Variants in PCDHA7 observed in about 807,000 individuals in gnomAD.
PCDHA7 encodes the protein protocadherin alpha 7.
A neutral mutation model predicts 57.2 loss-of-function variants in PCDHA7; 37 were observed. The ratio of observed to expected loss-of-function variants is 0.65; its 90% confidence interval spans 0.50 to 0.85. The LOEUF is 0.85. Among genes scored for constraint, PCDHA7 ranks in the 40% least tolerant of loss-of-function variants. The pLI is 0.00. For synonymous variants in PCDHA7, 553 were observed against 558.8 expected (o/e 0.99, Z 0.15); for missense variants, 1,188 against 1,241.8 (o/e 0.96, Z 0.65).
chr5:140,977,345 T>C lies in PCDHA7; in HGVS notation c.2356-1604T>C, dbSNP rs139865600. Among the ~76,000 whole-genome samples, 25 of 152,342 alleles carry C rather than the reference T, an allele frequency of 1.6e-4. No homozygotes were observed. In the East Asian group the frequency reaches 4.8e-3, roughly 29 times the overall value. ...ATGGCGAGGGGAGAGACGGTGATGATGACTGATTGATAAAAAGTATTTTAG... is the reference window on the plus strand; with the variant it reads ...ATGGCGAGGGGAGAGACGGTGATGACGACTGATTGATAAAAAGTATTTTAG... On this transcript the variant is annotated intron_variant, in intron 1 of 3. Transcript: ENST00000525929.
At chr5:140,968,165 C>T in intron 1 of PCDHA7, 6 of 1,614,120 alleles carry the variant, frequency 3.7e-6, no homozygotes, top group African/African-American at 1.3e-5. Flanking sequence ...TGACAATCCA[C>T]CAAGCTTCCT....
At chr5:140,978,726 T>C (rs1453953300) in intron 1 of PCDHA7, among the ~76,000 whole-genome samples, 2 of 152,250 alleles carry the variant, frequency 1.3e-5, no homozygotes, top group African/African-American at 4.8e-5. Flanking sequence ...TTATTAAATC[T>C]GGTCTTCCAG....
chr5:140,903,420 G>A (rs1562939328), intron 1 of PCDHA7, among the ~76,000 whole-genome samples: 1 of 152,150 alleles, frequency 6.6e-6, no homozygotes, highest in Non-Finnish European at 1.5e-5. Flanking sequence ...GAAAAATTCA[G>A]CACAATATGT....
At chr5:140,935,104 A>C (rs1233919640) in intron 1 of PCDHA7, among the ~76,000 whole-genome samples, 1 of 152,126 alleles carries the variant, frequency 6.6e-6, no homozygotes, top group South Asian at 2.1e-4. Flanking sequence ...GCCATTTTTC[A>C]AAGAGCTTTC....
chr5:140,870,084 C>T (rs782413178), intron 1 of PCDHA7: 1 of 1,613,864 alleles, frequency 6.2e-7, no homozygotes, highest in Non-Finnish European at 8.5e-7. Context: ...AGGGGACTCC[C>T]CCAATGGCAG....
chr5:140,836,887 T>C, intron 1 of PCDHA7, 149 bp downstream of exon 1: 1 of 643,788 alleles, frequency 1.6e-6, no homozygotes, highest in South Asian at 2.6e-5. Context: ...CACTAATTAT[T>C]TGGAAGTACG....
At chr5:140,855,743 G>A (rs2043601940) in intron 1 of PCDHA7, 1 of 316,702 alleles carries the variant, frequency 3.2e-6, no homozygotes, top group African/African-American at 2.1e-5. Flanking sequence ...GAGACGTAAT[G>A]TGAGGCTTTG....
chr5:141,004,897 G>T (rs1455115465), intron 3 of PCDHA7, among the ~76,000 whole-genome samples: 1 of 152,154 alleles, frequency 6.6e-6, no homozygotes, highest in Non-Finnish European at 1.5e-5. Context: ...TGTCAGCTCT[G>T]CCAGGGTGTA....
In PCDHA7 at chr5:140,858,604, A is replaced by T. The variant is rs547814145; in HGVS notation, c.2355+21866A>T. 1.3e-3 allele frequency: 1,648 copies of T among 1,276,538 alleles called. 106 individuals carry two copies. The South Asian group carries it at 0.023, about 18-fold the overall frequency. 79.1% of individuals were successfully genotyped at this position (1,276,538 alleles called of 1,614,324 possible). ...TATAATTTATTCCAGGAGTTTTAAA[A>T]TTTTTTTATCCTACCCAGTGTGTCA... On this transcript the variant is annotated intron_variant, in intron 1 of 3. Transcript: ENST00000525929.
At chr5:140,969,457 T>C (rs1554231852) in intron 1 of PCDHA7, 1 of 1,505,602 alleles carries the variant, frequency 6.6e-7, no homozygotes, top group Admixed American at 2.2e-5. Context: ...TGAGTATATA[T>C]AGTATCCACA....
At chr5:140,927,899 A>G (rs1554205221) in intron 1 of PCDHA7, 2 of 1,614,194 alleles carry the variant, frequency 1.2e-6, no homozygotes, top group Admixed American at 1.7e-5. Context: ...GTGAACGATC[A>G]TGCCCCCGAA....
chr5:140,880,743 T>C (rs976006299), intron 1 of PCDHA7, among the ~76,000 whole-genome samples: 7 of 152,212 alleles, frequency 4.6e-5, no homozygotes, highest in African/African-American at 1.7e-4. Flanking sequence ...AAATGGATTG[T>C]CAGTGTAACT....
At chr5:140,857,245 C>T (rs1411907706) in intron 1 of PCDHA7, 5 of 1,598,612 alleles carry the variant, frequency 3.1e-6, no homozygotes, top group Non-Finnish European at 4.3e-6. Context: ...TGGTGTCCAC[C>T]TACAAGAATT....
chr5:140,931,188 G>A (rs782167226), intron 1 of PCDHA7, among the ~76,000 whole-genome samples: 1 of 152,126 alleles, frequency 6.6e-6, no homozygotes, highest in South Asian at 2.1e-4. Flanking sequence ...GGAAATTGGT[G>A]CACTACAATG....
intron 1 of PCDHA7, among the ~76,000 whole-genome samples, chr5:140,888,210 T>C (rs1395913579): frequency 6.6e-6 from 1 of 152,082 alleles, no homozygotes; most frequent in East Asian, 1.9e-4. Flanking sequence ...ATGCTGGATT[T>C]TGTGTGTGTG....
At chr5:140,870,789 G>A in intron 1 of PCDHA7, 3 of 1,613,630 alleles carry the variant, frequency 1.9e-6, no homozygotes, top group Admixed American at 1.7e-5. Context: ...ACAACGCGCC[G>A]GCACTGCTGG....
At chr5:140,942,619 T>A in intron 1 of PCDHA7, among the ~76,000 whole-genome samples, 1 of 148,900 alleles carries the variant, frequency 6.7e-6, no homozygotes. Context: ...TTGCCAATTG[T>A]AAAAAAAAAA....
intron 1 of PCDHA7, chr5:140,870,757 GT>G: frequency 6.2e-7 from 1 of 1,613,572 alleles, no homozygotes; most frequent in Non-Finnish European, 8.5e-7. Context: ...GACGCTGCAG[GT>G]GTTCGTGCTG....
chr5:140,967,273 A>G lies in PCDHA7; in HGVS notation c.2356-11676A>G, dbSNP rs2096121712. The G allele has an allele frequency of 1.9e-6, 3 of 1,613,332 alleles. No individual in the cohort carries two copies. Among genetic ancestry groups the G allele is most frequent in the South Asian group, 2.2e-5 (2 of 91,074 alleles). On this transcript the variant is annotated intron_variant, in intron 1 of 3. Transcript: ENST00000525929. ...TGGCGCCTGGAGCGCGCTTTCACAT[A>G]GAGAGTGCGCAGGACCCCGACGTGG...
Sources: gnomAD v4.1 joint callset for allele counts (sites outside exome capture counted in the v4.1 genomes callset) on GRCh38, gnomAD v4.1.1 for gene constraint, MANE v1.5 for transcripts, NCBI Gene and HGNC (gene_info 2026-07-23, HGNC 2026-07-21) for gene names.